Variants in KLF12 observed in about 807,000 individuals in gnomAD.
KLF12 encodes the protein Krueppel-like factor 12.
In KLF12, 9 loss-of-function variants were observed where a neutral mutation model predicts 37.8. That is an observed-to-expected ratio of 0.24 (90% confidence interval 0.14 to 0.42). The LOEUF is 0.42. Ranked by LOEUF, KLF12 falls within the 10% of genes least tolerant of loss-of-function variation. KLF12 has a pLI of 1.00. For synonymous variants in KLF12, 208 were observed against 202.1 expected, an observed-to-expected ratio of 1.03 and a Z score of -0.25; for missense variants, 411 against 516.0, an observed-to-expected ratio of 0.80 and a Z score of 1.97.
chr13:73,858,058 G>A (rs1363834898), intron 3 of KLF12, among the ~76,000 whole-genome samples: 1 of 152,194 alleles, frequency 6.6e-6, no homozygotes, highest in African/African-American at 2.4e-5. Context: ...TTTCCATTAA[G>A]TGAATTTGTG....
intron 3 of KLF12, among the ~76,000 whole-genome samples, chr13:73,881,007 T>A (rs1396398165): frequency 1.3e-5 from 2 of 152,224 alleles, no homozygotes; most frequent in Non-Finnish European, 2.9e-5. Flanking sequence ...CAAATTAGAA[T>A]TTTTAAATGC....
At chr13:73,769,768 T>C (rs1230146043) in intron 5 of KLF12, among the ~76,000 whole-genome samples, 5 of 152,230 alleles carry the variant, frequency 3.3e-5, no homozygotes, top group Admixed American at 2.6e-4. Flanking sequence ...ATTCACTCAG[T>C]TGCTCAGGCC....
At chr13:73,852,029 G>A (rs562552687) in intron 3 of KLF12, among the ~76,000 whole-genome samples, 18 of 152,020 alleles carry the variant, frequency 1.2e-4, no homozygotes, top group Middle Eastern at 3.4e-3. Flanking sequence ...GAAGCATCCC[G>A]CAACTCTGGC....
chr13:74,234,168 C>A, the KLF12 span, among the ~76,000 whole-genome samples: 1 of 152,060 alleles, frequency 6.6e-6, no homozygotes, highest in African/African-American at 2.4e-5. Context: ...AAAATAAAGT[C>A]TATTAAAAAT....
intron 4 of KLF12, among the ~76,000 whole-genome samples, chr13:73,816,824 A>G (rs1883248911): frequency 6.6e-6 from 1 of 152,068 alleles, no homozygotes; most frequent in Non-Finnish European, 1.5e-5. Context: ...AGCCCGGGAG[A>G]GCCTATAGGA....
the KLF12 span, among the ~76,000 whole-genome samples, chr13:74,282,644 T>G: frequency 6.6e-6 from 1 of 152,114 alleles, no homozygotes; most frequent in Non-Finnish European, 1.5e-5. Context: ...CAACAGCATG[T>G]GCAGAAAAGG....
chr13:74,063,314 C>T (rs1314050805), intron 1 of KLF12, among the ~76,000 whole-genome samples: 2 of 152,160 alleles, frequency 1.3e-5, no homozygotes, highest in African/African-American at 2.4e-5. Flanking sequence ...TTAATGCAAA[C>T]GTTTCAAAAT....
the KLF12 span, among the ~76,000 whole-genome samples, chr13:74,174,754 G>A: frequency 6.6e-6 from 1 of 152,074 alleles, no homozygotes; most frequent in African/African-American, 2.4e-5. Context: ...TTCCATTTAC[G>A]CATTTGCTCA....
At chr13:74,027,020 T>C (rs1257166403) in intron 1 of KLF12, among the ~76,000 whole-genome samples, 1 of 152,106 alleles carries the variant, frequency 6.6e-6, no homozygotes, top group East Asian at 1.9e-4. Flanking sequence ...GCTGCAGGGC[T>C]GGAGCAACAG....
At chr13:73,815,541 T>G (rs953666699) in intron 4 of KLF12, among the ~76,000 whole-genome samples, 1 of 152,174 alleles carries the variant, frequency 6.6e-6, no homozygotes, top group Non-Finnish European at 1.5e-5. Context: ...GAATGATTCA[T>G]TTAACAGCCA....
intron 1 of KLF12, among the ~76,000 whole-genome samples, chr13:74,123,006 G>A (rs985208513): frequency 2.8e-5 from 4 of 141,600 alleles, no homozygotes; most frequent in African/African-American, 7.8e-5. Flanking sequence ...TTCCATACAA[G>A]TATACCCACT....
chr13:73,804,197 T>C (rs145771415), intron 5 of KLF12, among the ~76,000 whole-genome samples: 1 of 152,280 alleles, frequency 6.6e-6, no homozygotes, highest in Non-Finnish European at 1.5e-5. Flanking sequence ...CATGTCATCC[T>C]CTCTGTTCTC....
chr13:74,080,894 G>GTC (rs570048439), intron 1 of KLF12, among the ~76,000 whole-genome samples: 140 of 152,256 alleles, frequency 9.2e-4, no homozygotes, highest in African/African-American at 3.0e-3. Flanking sequence ...AGCCCTTTAA[G>GTC]TCTCTCTCTC....
At chr13:73,881,801 A>C (rs1455443169) in intron 3 of KLF12, among the ~76,000 whole-genome samples, 2 of 152,158 alleles carry the variant, frequency 1.3e-5, no homozygotes, top group Non-Finnish European at 2.9e-5. Context: ...ATAACTTTAC[A>C]CATCTAATCC....
In KLF12 at chr13:73,963,284, TACACACACACAC is replaced by T. The variant is rs10543490; in HGVS notation, c.34-19226_34-19215del. Among the ~76,000 whole-genome samples, 1,426 of 145,256 alleles carry T rather than the reference TACACACACACAC, an allele frequency of 9.8e-3. 19 individuals carry two copies. Among genetic ancestry groups the T allele is most frequent in the Middle Eastern group, 0.028 (8 of 290 alleles). On this transcript the variant is annotated intron_variant, in intron 2 of 7. Coordinates refer to ENST00000377669, the MANE Select transcript of KLF12 (RefSeq NM_007249.5). ...TCATAAAGTATAAGAGAGTCATTTA[TACACACACACAC>T]ACACACACACACACACACACACACG... is the stretch of plus-strand genomic sequence containing the variant.
intron 4 of KLF12, among the ~76,000 whole-genome samples, chr13:73,829,426 G>T (rs1884029167): frequency 6.6e-6 from 1 of 151,886 alleles, no homozygotes; most frequent in Non-Finnish European, 1.5e-5. Flanking sequence ...ACAAGATAGA[G>T]GATAAAATTC....
At chr13:73,744,789 G>A (rs937905091) in intron 6 of KLF12, among the ~76,000 whole-genome samples, 1 of 152,146 alleles carries the variant, frequency 6.6e-6, no homozygotes, top group Non-Finnish European at 1.5e-5. Context: ...GCAAGGTGAC[G>A]TATGCATGTC....
At chr13:74,247,310 G>A in the KLF12 span, among the ~76,000 whole-genome samples, 1 of 152,138 alleles carries the variant, frequency 6.6e-6, no homozygotes, top group African/African-American at 2.4e-5. Context: ...GTGTGCAGGG[G>A]TGACATGGAC....
At chr13:74,148,045 G>A in the KLF12 span, among the ~76,000 whole-genome samples, 70 of 151,738 alleles carry the variant, frequency 4.6e-4, no homozygotes, top group Non-Finnish European at 7.9e-4. Flanking sequence ...CCAAGTAGCT[G>A]GGATTACAGG....
Sources: gnomAD v4.1 joint callset for allele counts (sites outside exome capture counted in the v4.1 genomes callset) on GRCh38, gnomAD v4.1.1 for gene constraint, MANE v1.5 for transcripts, NCBI Gene and HGNC (gene_info 2026-07-23, HGNC 2026-07-21) for gene names.